Variants in ADAMTSL1 observed in about 807,000 individuals in gnomAD.
ADAMTSL1 encodes the protein ADAMTS-like protein 1.
In ADAMTSL1, 126 loss-of-function variants were observed where a neutral mutation model predicts 201.8. The ratio of observed to expected loss-of-function variants is 0.62; its 90% CI spans 0.54 to 0.72. ADAMTSL1 has a LOEUF of 0.72. Ranked by LOEUF, ADAMTSL1 falls within the 30% of genes least tolerant of loss-of-function variation. The probability of loss-of-function intolerance (pLI) is 0.00; values close to 1 mark genes in which losing one functional copy is unlikely to be tolerated. For synonymous variants in ADAMTSL1, 1,121 were observed against 903.4 expected, an observed-to-expected ratio of 1.24 and a Z score of -4.32; for missense variants, 2,679 against 2,277.8, an observed-to-expected ratio of 1.18 and a Z score of -3.59.
chr9:18,896,864 C>T (rs1829669900), intron 26 of ADAMTSL1, among the ~76,000 whole-genome samples: 1 of 152,064 alleles, frequency 6.6e-6, no homozygotes, highest in Non-Finnish European at 1.5e-5. Flanking sequence ...CTGGGAATCC[C>T]AGCAGACAAG....
rs564931061 is a variant in ADAMTSL1 at position 18,592,448 on chromosome 9, T to A, written c.474+18182T>A. ...CTTCAAATGCTGAATGTCCACAGAT[T>A]GGTTGCCATTGAGTTATTTTGCAAC... is the stretch of plus-strand genomic sequence containing the variant. On this transcript the variant is annotated intron_variant, in intron 4 of 28. Coordinates refer to ENST00000380548, the MANE Select transcript of ADAMTSL1 (RefSeq NM_001040272.6). Among the ~76,000 whole-genome samples, 6 of 152,324 alleles carry A rather than the reference T, an allele frequency of 3.9e-5. No homozygotes were observed. In the South Asian group the frequency reaches 1.2e-3, roughly 32 times the overall value.
chr9:18,005,629 G>C (rs1299542454), intron 1 of ADAMTSL1, among the ~76,000 whole-genome samples: 1 of 152,008 alleles, frequency 6.6e-6, no homozygotes, highest in East Asian at 1.9e-4. Flanking sequence ...CAACCAAGTA[G>C]GTCTTAACTT....
At chr9:18,037,681 C>G (rs899680913) in intron 1 of ADAMTSL1, among the ~76,000 whole-genome samples, 1 of 152,062 alleles carries the variant, frequency 6.6e-6, no homozygotes, top group Non-Finnish European at 1.5e-5. Flanking sequence ...TATTGGAACC[C>G]AAATCCTGAT....
intron 4 of ADAMTSL1, among the ~76,000 whole-genome samples, chr9:18,601,817 A>C (rs922275155): frequency 3.3e-5 from 5 of 151,564 alleles, no homozygotes; most frequent in Admixed American, 6.6e-5. Context: ...ATATCTATAC[A>C]TTTCCATAGA....
intron 1 of ADAMTSL1, among the ~76,000 whole-genome samples, chr9:17,939,911 G>T (rs1017992567): frequency 6.6e-6 from 1 of 152,146 alleles, no homozygotes; most frequent in African/African-American, 2.4e-5. Context: ...GAAAGGGAGG[G>T]TTTCTTTGAG....
At chr9:18,475,109 A>C (rs1041727884) in intron 1 of ADAMTSL1, among the ~76,000 whole-genome samples, 17 of 152,306 alleles carry the variant, frequency 1.1e-4, no homozygotes, top group African/African-American at 3.8e-4. Flanking sequence ...TTTTTAAACC[A>C]GAGTGTTCTG....
intron 4 of ADAMTSL1, among the ~76,000 whole-genome samples, chr9:18,615,766 G>C (rs1157648107): frequency 6.6e-6 from 1 of 152,142 alleles, no homozygotes; most frequent in Non-Finnish European, 1.5e-5. Flanking sequence ...AATGGGTTTA[G>C]TTTCCTGATT....
At chr9:17,965,963 T>C (rs1411544882) in intron 1 of ADAMTSL1, among the ~76,000 whole-genome samples, 1 of 152,194 alleles carries the variant, frequency 6.6e-6, no homozygotes, top group African/African-American at 2.4e-5. Context: ...TTCTCTACTT[T>C]GTTCTTCTCC....
chr9:18,274,021 C>T (rs1317276069), intron 2 of ADAMTSL1, among the ~76,000 whole-genome samples: 17 of 152,124 alleles, frequency 1.1e-4, no homozygotes, highest in Admixed American at 1.1e-3. Flanking sequence ...TTTAAATGAC[C>T]TATTTAAACT....
At chr9:18,786,271 G>A (rs1480656957) in intron 19 of ADAMTSL1, among the ~76,000 whole-genome samples, 3 of 152,068 alleles carry the variant, frequency 2.0e-5, no homozygotes, top group Non-Finnish European at 4.4e-5. Flanking sequence ...CTTCTCTTCT[G>A]GGCCTAGGTG....
chr9:18,851,699 C>T (rs1015218322), intron 23 of ADAMTSL1, among the ~76,000 whole-genome samples: 3 of 152,068 alleles, frequency 2.0e-5, no homozygotes, highest in African/African-American at 4.8e-5. Context: ...GGTGGGCTGT[C>T]AGCATGAGCA....
chr9:18,519,819 T>C (rs1463138759), intron 2 of ADAMTSL1, among the ~76,000 whole-genome samples: 2 of 152,234 alleles, frequency 1.3e-5, no homozygotes, highest in Non-Finnish European at 2.9e-5. Flanking sequence ...TTGAGCAGTA[T>C]GTTCAGAGCA....
At chr9:18,375,862 C>T (rs1837270306) in intron 2 of ADAMTSL1, among the ~76,000 whole-genome samples, 1 of 152,160 alleles carries the variant, frequency 6.6e-6, no homozygotes, top group Admixed American at 6.5e-5. Flanking sequence ...TTACAGACTG[C>T]TGATTGGTCC....
At chr9:18,841,810 C>T (rs1391807274) in intron 23 of ADAMTSL1, among the ~76,000 whole-genome samples, 15 of 152,306 alleles carry the variant, frequency 9.8e-5, no homozygotes, top group Non-Finnish European at 1.6e-4. Flanking sequence ...TCTAGATTTT[C>T]TAGTTTATTT....
intron 19 of ADAMTSL1, among the ~76,000 whole-genome samples, 160 bp from the exon 20 acceptor site, chr9:18,795,235 AAG>A (rs1402611993): frequency 1.3e-5 from 2 of 152,220 alleles, no homozygotes; most frequent in Admixed American, 1.3e-4. Flanking sequence ...TCAAAGAGGC[AAG>A]AGAGCACAGG....
intron 1 of ADAMTSL1, among the ~76,000 whole-genome samples, chr9:18,134,163 C>G (rs73645722): frequency 0.017 from 2,550 of 152,218 alleles, 40 homozygotes; most frequent in African/African-American, 0.044. Context: ...AGGAACTCCA[C>G]ATATGGAAGT....
intron 7 of ADAMTSL1, among the ~76,000 whole-genome samples, chr9:18,651,877 C>G (rs1828288124): frequency 6.6e-6 from 1 of 151,118 alleles, no homozygotes; most frequent in Non-Finnish European, 1.5e-5. Flanking sequence ...AATCCCATGT[C>G]CAAAATAATG....
intron 2 of ADAMTSL1, among the ~76,000 whole-genome samples, chr9:18,274,643 A>G (rs939304070): frequency 1.3e-5 from 2 of 152,214 alleles, no homozygotes; most frequent in Admixed American, 6.5e-5. Context: ...TTATTATATA[A>G]TAAGTGCACA....
At chr9:18,499,587 G>C (rs1056386984) in intron 1 of ADAMTSL1, among the ~76,000 whole-genome samples, 1 of 152,184 alleles carries the variant, frequency 6.6e-6, no homozygotes, top group African/African-American at 2.4e-5. Context: ...TCATCACTGG[G>C]GGAGTTGCCC....
Sources: gnomAD v4.1 joint callset for allele counts (sites outside exome capture counted in the v4.1 genomes callset) on GRCh38, gnomAD v4.1.1 for gene constraint, MANE v1.5 for transcripts, NCBI Gene and HGNC (gene_info 2026-07-23, HGNC 2026-07-21) for gene names.